HUWE1: variants seen among roughly 807,000 people sequenced by gnomAD.
HUWE1 encodes the protein E3 ubiquitin-protein ligase HUWE1.
HUWE1 carries 18 observed loss-of-function variants against 299.4 expected under a neutral mutation model. The ratio of observed to expected loss-of-function variants is 0.06; its 90% confidence interval spans 0.04 to 0.09. The LOEUF is 0.09. HUWE1 is among the 10% of genes least tolerant of loss of function. HUWE1 has a pLI of 1.00. For synonymous variants in HUWE1, 1,317 were observed against 1,286.1 expected (o/e 1.02, Z -0.51); for missense variants, 1,832 against 3,462.3 (o/e 0.53, Z 11.82).
chrX:53,550,398 G>T (rs2061722280), intron 66 of HUWE1, among the ~76,000 whole-genome samples: 2 of 112,162 alleles, frequency 1.8e-5, no homozygotes, highest in South Asian at 7.4e-4. Context: ...TGGGAGACAA[G>T]TGGTGTTCCT....
intron 72 of HUWE1, 99 bp from the exon 73 acceptor site, chrX:53,544,067 G>T: frequency 1.3e-6 from 1 of 774,366 alleles, no homozygotes; most frequent in Non-Finnish European, 1.9e-6. Flanking sequence ...AGGGCATCTT[G>T]CTGAGGTCTT....
chrX:53,559,742 T>C (rs1465852866), intron 56 of HUWE1, among the ~76,000 whole-genome samples: 2 of 112,288 alleles, frequency 1.8e-5, no homozygotes, highest in African/African-American at 6.5e-5. Flanking sequence ...TGGCACCAAG[T>C]GGGTGTCAAT....
At chrX:53,578,503 C>T (rs1334545869) in intron 43 of HUWE1, among the ~76,000 whole-genome samples, 4 of 96,597 alleles carry the variant, frequency 4.1e-5, no homozygotes, top group African/African-American at 7.8e-5. Context: ...GCCCCCGGCC[C>T]GGCCAGCCGC....
chrX:53,644,112 A>C lies in HUWE1; in HGVS notation c.504+1199T>G, dbSNP rs112741200. ...GTGCCAGTAATAACAGGCATAAGCC[A>C]TCATGCCCAGCCCAAATTTTTTCTT... On this transcript the variant is annotated intron_variant, in intron 7 of 83. Transcript: ENST00000262854. Among the ~76,000 whole-genome samples, 450 of 112,566 alleles carry C rather than the reference A, an allele frequency of 4.0e-3. 2 individuals carry two copies. Among genetic ancestry groups the C allele is most frequent in the African/African-American group, 0.014 (438 of 31,043 alleles).
chrX:53,545,298 G>T, intron 70 of HUWE1, 137 bp from the exon 71 acceptor site: 1 of 606,567 alleles, frequency 1.6e-6, no homozygotes, highest in Non-Finnish European at 2.7e-6. Flanking sequence ...CTGGAATCGT[G>T]CTCTGTTCAG....
rs1556936105 is a variant in HUWE1 at position 53,557,399 on chromosome X, G to A, written c.8189C>T (p.Thr2730Ile). Reference sequence around the variant, plus strand: ...AGAGTTACCTGAGAGATTCTGTTCAGTGGAGTCATTTGACTTAGATGCAGT... The same window carrying A: ...AGAGTTACCTGAGAGATTCTGTTCAATGGAGTCATTTGACTTAGATGCAGT... Reference protein sequence around the residue: ...QCTASKSNDSTEQNLSDGTPM... With the variant: ...QCTASKSNDSIEQNLSDGTPM... Residue 2730 changes from threonine (T) to isoleucine (I), a missense_variant, in exon 60 of 84, where the codon ACT becomes ATT. Thr to Ile is a moderately conservative substitution (Grantham distance 89). Transcript: ENST00000262854. 2 of 1,209,217 alleles carry A rather than the reference G, an allele frequency of 1.7e-6. No homozygotes were observed. The highest frequency in any genetic ancestry group is 4.3e-5 in the Admixed American group (2 of 46,072).
intron 3 of HUWE1, among the ~76,000 whole-genome samples, chrX:53,655,591 A>G (rs1412068052): frequency 3.6e-5 from 4 of 112,344 alleles, no homozygotes; most frequent in Admixed American, 9.4e-5. Context: ...TGAAGCCAAC[A>G]GGATTCTGGC....
chrX:53,640,213 A>T (rs1010201477), intron 7 of HUWE1, among the ~76,000 whole-genome samples: 1 of 111,753 alleles, frequency 8.9e-6, no homozygotes, highest in East Asian at 2.8e-4. Context: ...ATAAAAAATT[A>T]GCCGGGTGTG....
rs1224651822 is a variant in HUWE1, at chrX:53,573,984, A to G, written c.6098-20T>C. On this transcript the variant is annotated intron_variant, in intron 46 of 83. Transcript: ENST00000262854. ...TTGAAGCTGTTGAGAAAAGTCAAAC[A>G]CTGGTTCAATTCCACACTGGAACAC... 13 of 1,159,331 alleles carry G rather than the reference A, an allele frequency of 1.1e-5. No individual in the cohort carries two copies. The highest frequency in any genetic ancestry group is 3.0e-5 in the East Asian group (1 of 33,594).
chrX:53,586,771 G>A lies in HUWE1; in HGVS notation c.4742+11C>T. 8.3e-7 allele frequency: 1 copy of A among 1,211,142 alleles called. No homozygotes were observed. Among genetic ancestry groups the A allele is most frequent in the African/African-American group, 1.7e-5 (1 of 57,703 alleles). ...TAGAAACGAAACTAGGGTAGATATAGGGTTACTCACTTTGGGGTCTGGACT... is the reference window on the plus strand; with the variant it reads ...TAGAAACGAAACTAGGGTAGATATAAGGTTACTCACTTTGGGGTCTGGACT... On this transcript the variant is annotated intron_variant, in intron 38 of 83. Coordinates refer to ENST00000262854, the MANE Select transcript of HUWE1 (RefSeq NM_031407.7).
At chrX:53,542,843 T>TG (rs1556919648) in intron 73 of HUWE1, 11 of 264,483 alleles carry the variant, frequency 4.2e-5, no homozygotes, top group South Asian at 1.8e-4. Flanking sequence ...AGTCTTCTTC[T>TG]GTTGTGTGTG....
chrX:53,622,249 C>T (rs2066195979), intron 19 of HUWE1, among the ~76,000 whole-genome samples: 2 of 111,223 alleles, frequency 1.8e-5, no homozygotes, highest in Admixed American at 9.5e-5. Context: ...TATAAGTTTG[C>T]CCCCTAGAAA....
At chrX:53,580,067 C>A (rs1163080682) in intron 43 of HUWE1, among the ~76,000 whole-genome samples, 1 of 111,830 alleles carries the variant, frequency 8.9e-6, no homozygotes, top group East Asian at 2.8e-4. Flanking sequence ...AGTGACTACT[C>A]CTAAATACAT....
chrX:53,566,441 TAAC>T (rs1335498351), intron 49 of HUWE1, among the ~76,000 whole-genome samples: 7 of 106,459 alleles, frequency 6.6e-5, no homozygotes, highest in African/African-American at 2.1e-4. Context: ...AGAGGAAAAA[TAAC>T]AACAAAAATG....
At position 53,560,217 on chromosome X, in the gene HUWE1, G is replaced by C. The variant is rs1265375814; in HGVS notation, c.7707C>G (p.Arg2569=). 4 of 1,195,585 alleles carry C rather than the reference G, an allele frequency of 3.3e-6. No individual in the cohort carries two copies. The African/African-American group carries it at 7.0e-5, about 21-fold the overall frequency. ...GCAGTATAAGAGGAGGGTTGGGCTG[G>C]CGATTCCCAGGGTAGTGAACATGAA... ...HTIHVHYPGN[R]QPNPPLILQR... The change falls in exon 56 of 84, where the codon CGC becomes CGG. Residue 2569 remains arginine, a synonymous_variant. Transcript: ENST00000262854.
intron 29 of HUWE1, 87 bp from the exon 30 acceptor site, chrX:53,595,490 T>C (rs892287621): frequency 3.0e-5 from 22 of 735,744 alleles, no homozygotes; most frequent in Admixed American, 5.3e-5. Context: ...CATATTTTTA[T>C]GACTCACCAC....
chrX:53,615,481 GC>G (rs1340043027), intron 22 of HUWE1, among the ~76,000 whole-genome samples: 1 of 111,446 alleles, frequency 9.0e-6, no homozygotes, highest in East Asian at 2.8e-4. Flanking sequence ...ACCAGCCTCA[GC>G]CTCCCAAAGT....
chrX:53,548,923 T>G, intron 67 of HUWE1, 36 bp downstream of exon 67: 3 of 1,142,026 alleles, frequency 2.6e-6, no homozygotes, highest in Non-Finnish European at 3.5e-6. Context: ...CTGCCACCCT[T>G]CTTCCATCCC....
At chrX:53,545,215 T>G in intron 70 of HUWE1, 54 bp from the exon 71 acceptor site, 1 of 1,146,024 alleles carries the variant, frequency 8.7e-7, no homozygotes. Context: ...GTAAAGTGGC[T>G]AAAAGCCAAA....
Sources: allele counts gnomAD v4.1 joint callset (sites outside exome capture counted in the v4.1 genomes callset), GRCh38; gene constraint gnomAD v4.1.1; transcripts MANE v1.5; gene names NCBI Gene and HGNC (gene_info 2026-07-23, HGNC 2026-07-21).